Variants in PPIP5K2 observed in about 807,000 individuals in gnomAD.
PPIP5K2 encodes the protein inositol hexakisphosphate and diphosphoinositol-pentakisphosphate kinase 2.
A neutral mutation model predicts 154.6 loss-of-function variants in PPIP5K2; 105 were observed. The observed-to-expected ratio is 0.68, with a 90% confidence interval of 0.58 to 0.80. The LOEUF (loss-of-function observed/expected upper bound fraction) is 0.80, where lower values mean the gene tolerates loss of function less well. Ranked by LOEUF, PPIP5K2 falls within the 30% of genes least tolerant of loss-of-function variation. PPIP5K2 has a pLI of 0.00. For synonymous variants in PPIP5K2, 480 were observed against 490.3 expected, an observed-to-expected ratio of 0.98 and a Z score of 0.28; for missense variants, 992 against 1,504.6, an observed-to-expected ratio of 0.66 and a Z score of 5.64.
At position 103,173,214 on chromosome 5, in the gene PPIP5K2, G is replaced by T. The variant is rs888539181; in HGVS notation, c.2346G>T (p.Leu782=). Residue 782 remains leucine, a synonymous_variant, in exon 20 of 31, where the codon CTG becomes CTT. Coordinates refer to ENST00000358359, the MANE Select transcript of PPIP5K2 (RefSeq NM_001276277.3). The part of the protein sequence containing the change: ...LEIAKGYCTP[L]VRKIRSDLQR... ...TTGCCAAAGGCTACTGTACTCCTCT[G>T]GTTAGAAAAATTCGCTCAGACCTTC... 1.9e-6 allele frequency: 3 copies of T among 1,611,646 alleles called. No homozygotes were observed. Among genetic ancestry groups the T allele is most frequent in the Non-Finnish European group, 2.5e-6 (3 of 1,178,484 alleles).
intron 1 of PPIP5K2, among the ~76,000 whole-genome samples, chr5:103,124,066 G>T (rs1789220222): frequency 6.6e-6 from 1 of 152,052 alleles, no homozygotes; most frequent in Admixed American, 6.6e-5. Context: ...GGATCACGAG[G>T]TCAGGAGATT....
rs1339158991 is a variant in PPIP5K2, at chr5:103,203,173, T to A, written c.*1539T>A. ...GGTCATAAGGAAGCTACTTTTTTTT[T>A]AAAGTGGAACCTAATTAAAATATTT... On this transcript the variant is annotated 3_prime_UTR_variant, in exon 31 of 31. Coordinates refer to ENST00000358359, the MANE Select transcript of PPIP5K2 (RefSeq NM_001276277.3). 3 of 152,516 alleles carry A rather than the reference T, an allele frequency of 2.0e-5. No individual in the cohort carries two copies. The East Asian group carries it at 5.8e-4, about 29-fold the overall frequency. 9.4% of individuals were successfully genotyped at this position (152,516 alleles called of 1,614,324 possible).
intron 19 of PPIP5K2, among the ~76,000 whole-genome samples, chr5:103,172,295 C>CT (rs782057124): frequency 6.6e-6 from 1 of 151,308 alleles, no homozygotes; most frequent in Non-Finnish European, 1.5e-5. Context: ...TTTCCTAGGT[C>CT]TTTCATCTGT....
chr5:103,138,261 G>T (rs1483262379), intron 4 of PPIP5K2, 123 bp from the exon 5 acceptor site: 4 of 431,656 alleles, frequency 9.3e-6, no homozygotes, highest in African/African-American at 4.1e-5. Context: ...AAAATAAAAA[G>T]TGTTGAGATA....
At position 103,120,346 on chromosome 5, in the gene PPIP5K2, A is replaced by T; in HGVS notation, c.-427A>T. 4.4e-6 allele frequency: 2 copies of T among 452,290 alleles called. No individual in the cohort carries two copies. Among genetic ancestry groups the T allele is most frequent in the South Asian group, 3.1e-5 (2 of 64,306 alleles). 28.0% of individuals were successfully genotyped at this position (452,290 alleles called of 1,614,324 possible). A position where few individuals can be genotyped will look rare whatever the true frequency, so the allele number is the denominator to read the frequency against. On this transcript the variant is annotated 5_prime_UTR_variant, in exon 1 of 31. In the 5' UTR this introduces an upstream ATG that the reference lacks. Coordinates refer to ENST00000358359, the MANE Select transcript of PPIP5K2 (RefSeq NM_001276277.3). Reference sequence around the variant, plus strand: ...TATGTGGCCCTATAGCTGTTACTGAAGGAAGTAGCCTACGTCCACGCCTAC... The same window carrying T: ...TATGTGGCCCTATAGCTGTTACTGATGGAAGTAGCCTACGTCCACGCCTAC...
intron 17 of PPIP5K2, among the ~76,000 whole-genome samples, chr5:103,162,836 G>C (rs1170489384): frequency 1.3e-5 from 2 of 151,936 alleles, no homozygotes; most frequent in Non-Finnish European, 2.9e-5. Flanking sequence ...ACATTTATCT[G>C]TATATCAGAT....
chr5:103,198,453 GA>G (rs1459944184), intron 30 of PPIP5K2, among the ~76,000 whole-genome samples: 1 of 152,150 alleles, frequency 6.6e-6, no homozygotes, highest in African/African-American at 2.4e-5. Flanking sequence ...TTCTTTGGCA[GA>G]GGGGTGTTCA....
rs1034305430 is a variant in PPIP5K2 at position 103,210,143 on chromosome 5, G to A, written c.*8509G>A. ...AATGAGCCACACTCATATTGGAAGC[G>A]AATGGAGTTGACTTCACCAGTGGGA... On this transcript the variant is annotated 3_prime_UTR_variant, in exon 31 of 31. Transcript: ENST00000358359. 4 of 152,156 alleles carry A rather than the reference G, an allele frequency of 2.6e-5. No homozygotes were observed. The highest frequency in any genetic ancestry group is 4.4e-5 in the Non-Finnish European group (3 of 68,026). 9.4% of individuals were successfully genotyped at this position (152,156 alleles called of 1,614,324 possible). A position where few individuals can be genotyped will look rare whatever the true frequency, so the allele number is the denominator to read the frequency against.
At position 103,133,582 on chromosome 5, in the gene PPIP5K2, G is replaced by C; in HGVS notation, c.244G>C (p.Val82Leu). ...CACAGTAGTAGTATTTGAAGAGGAG[G>C]TTATTTTGAATGAACCAGTGGAAAA... ...YITVVVFEEE[V>L]ILNEPVENWP... Residue 82 changes from valine (V) to leucine (L), a missense_variant, in exon 3 of 31, where the codon GTT (valine) becomes CTT (leucine). Physicochemically the swap from Val to Leu is conservative, Grantham distance 32 (BLOSUM62 1). Coordinates refer to ENST00000358359, the MANE Select transcript of PPIP5K2 (RefSeq NM_001276277.3). 1 of 1,612,390 alleles carries C rather than the reference G, an allele frequency of 6.2e-7. No homozygotes were observed. Among genetic ancestry groups the C allele is most frequent in the Non-Finnish European group, 8.5e-7 (1 of 1,179,320 alleles).
chr5:103,141,398 G>A (rs969420907), intron 5 of PPIP5K2, among the ~76,000 whole-genome samples: 47 of 151,938 alleles, frequency 3.1e-4, no homozygotes, highest in African/African-American at 1.1e-3. Context: ...GTCTGGAGTT[G>A]TTCGTTCCTC....
intron 10 of PPIP5K2, among the ~76,000 whole-genome samples, chr5:103,153,071 T>C (rs1794883839): frequency 6.6e-6 from 1 of 151,930 alleles, no homozygotes; most frequent in Admixed American, 6.5e-5. Flanking sequence ...TGCATAATTA[T>C]ACCAGTATTG....
chr5:103,171,049 G>A (rs1311004094), intron 19 of PPIP5K2, among the ~76,000 whole-genome samples: 1 of 151,340 alleles, frequency 6.6e-6, no homozygotes, highest in African/African-American at 2.4e-5. Context: ...CTCTTACATT[G>A]ATTGATTAAT....
Position 103,143,569 on chromosome 5 carries a change from G to T in PPIP5K2, c.488-2958G>T, listed in dbSNP as rs189569482. ...TCAGAAAACAAATGCCAAAATAGCA[G>T]AAGCAAGTCTTTACCTATCAGTAAT... is the stretch of plus-strand genomic sequence containing the variant. On this transcript the variant is annotated intron_variant, in intron 5 of 30. Coordinates refer to ENST00000358359, the MANE Select transcript of PPIP5K2 (RefSeq NM_001276277.3). 9.7e-4 allele frequency among the ~76,000 whole-genome samples: 148 copies of T among 152,320 alleles called. 1 individual carries two copies. The highest frequency in any genetic ancestry group is 1.3e-4 in the Non-Finnish European group (9 of 68,034).
chr5:103,132,146 T>C (rs1554202831), intron 2 of PPIP5K2, among the ~76,000 whole-genome samples: 1 of 152,150 alleles, frequency 6.6e-6, no homozygotes, highest in Non-Finnish European at 1.5e-5. Flanking sequence ...AGAGTTAGCA[T>C]TTATAATCTA....
At position 103,179,936 on chromosome 5, in the gene PPIP5K2, C is replaced by T. The variant is rs1799255097; in HGVS notation, c.2755-85C>T. Reference sequence around the variant, plus strand: ...AAACTTGTATATGTATTTCAAGTACCTCTACCAGTGGTAGTTGAATCTGTT... The same window carrying T: ...AAACTTGTATATGTATTTCAAGTACTTCTACCAGTGGTAGTTGAATCTGTT... On this transcript the variant is annotated intron_variant, in intron 23 of 30. Coordinates refer to ENST00000358359, the MANE Select transcript of PPIP5K2 (RefSeq NM_001276277.3). 3 of 1,168,018 alleles carry T rather than the reference C, an allele frequency of 2.6e-6. No homozygotes were observed. The South Asian group carries it at 5.6e-5, about 22-fold the overall frequency. The allele number at this position is 1,168,018 out of a possible 1,614,324, so 72.4% of individuals were successfully genotyped here.
chr5:103,168,689 G>T (rs1797506510), intron 19 of PPIP5K2, among the ~76,000 whole-genome samples: 1 of 151,736 alleles, frequency 6.6e-6, no homozygotes, highest in East Asian at 1.9e-4. Context: ...ACATCACCCA[G>T]AGTCCATAGT....
At chr5:103,163,155 G>A (rs565270204) in intron 17 of PPIP5K2, among the ~76,000 whole-genome samples, 1 of 148,510 alleles carries the variant, frequency 6.7e-6, no homozygotes, top group East Asian at 2.0e-4. Flanking sequence ...ATACTGTTGG[G>A]ATTTTTTTAT....
At position 103,209,520 on chromosome 5, in the gene PPIP5K2, A is replaced by C. The variant is rs1803690886; in HGVS notation, c.*7886A>C. The C allele has an allele frequency of 6.6e-6, 1 of 152,194 alleles. No homozygotes were observed. The highest frequency in any genetic ancestry group is 2.4e-5 in the African/African-American group (1 of 41,456). 9.4% of individuals were successfully genotyped at this position (152,194 alleles called of 1,614,324 possible). A position where few individuals can be genotyped will look rare whatever the true frequency, so the allele number is the denominator to read the frequency against. On this transcript the variant is annotated 3_prime_UTR_variant, in exon 31 of 31. Coordinates refer to ENST00000358359, the MANE Select transcript of PPIP5K2 (RefSeq NM_001276277.3). ...AGGTAGGATAGTGGATGTACAGTTT[A>C]GATACCCATTTTAAAGCAGTTAGAA...
At chr5:103,155,404 G>GTTTT (rs1554212864) in intron 13 of PPIP5K2, among the ~76,000 whole-genome samples, 3 of 23,894 alleles carry the variant, frequency 1.3e-4, no homozygotes, top group Non-Finnish European at 2.2e-4. Flanking sequence ...CTTCAGAGTT[G>GTTTT]TCTTTTTTTT....
Sources: gnomAD v4.1 joint callset for allele counts (sites outside exome capture counted in the v4.1 genomes callset) on GRCh38, gnomAD v4.1.1 for gene constraint, MANE v1.5 for transcripts, NCBI Gene and HGNC (gene_info 2026-07-23, HGNC 2026-07-21) for gene names.